The following UGP2 variants were observed in gnomAD, a reference collection of about 807,000 sequenced individuals.
The protein encoded by UGP2 is UDP-glucose pyrophosphorylase 2.
In UGP2, 40 loss-of-function variants were observed where a neutral mutation model predicts 49.0. That is an observed-to-expected ratio of 0.82 (90% CI 0.63 to 1.06). The LOEUF (loss-of-function observed/expected upper bound fraction) is 1.06, where lower values mean the gene tolerates loss of function less well. Among genes scored for constraint, UGP2 ranks in the 50% least tolerant of loss-of-function variants. The pLI is 0.00. For missense variants in UGP2, 460 were observed against 603.5 expected, an observed-to-expected ratio of 0.76 and a Z score of 2.49; for synonymous variants, 225 against 213.0, an observed-to-expected ratio of 1.06 and a Z score of -0.49.
chr2:63,860,123 A>G (rs1669732117), intron 3 of UGP2, among the ~76,000 whole-genome samples: 1 of 152,214 alleles, frequency 6.6e-6, no homozygotes, highest in African/African-American at 2.4e-5. Context: ...AAAAGTGAAC[A>G]TAGGTCTTTT....
intron 3 of UGP2, among the ~76,000 whole-genome samples, chr2:63,873,904 T>A (rs986175474): frequency 6.6e-6 from 1 of 152,214 alleles, no homozygotes; most frequent in Non-Finnish European, 1.5e-5. Context: ...GGCTTCTCTG[T>A]CTGGCTGCTC....
In UGP2 at chr2:63,885,850, C is replaced by T. The variant is rs751261955; in HGVS notation, c.837C>T (p.Val279=). The part of the protein sequence containing the change: ...NPPNGKRCEF[V]MEVTNKTRAD... ...CCAATGGAAAACGCTGTGAATTTGT[C>T]ATGGAAGTCACAAATAAAACACGTG... The change falls in exon 6 of 10, where the codon GTC becomes GTT. Residue 279 remains valine, a synonymous_variant. Transcript: ENST00000337130. The T allele has an allele frequency of 1.8e-5, 29 of 1,596,804 alleles. No homozygotes were observed. The Admixed American group carries it at 2.1e-4, about 12-fold the overall frequency.
chr2:63,870,801 C>G (rs375188833), intron 3 of UGP2, among the ~76,000 whole-genome samples: 1 of 152,098 alleles, frequency 6.6e-6, no homozygotes, highest in African/African-American at 2.4e-5. Flanking sequence ...ATGGAGTTTA[C>G]AGTCTTATAA....
Position 63,886,509 on chromosome 2 carries a change from A to G in UGP2, c.1042A>G (p.Ile348Val). 6.2e-7 allele frequency: 1 copy of G among 1,614,212 alleles called. No individual in the cohort carries two copies. The highest frequency in any genetic ancestry group is 8.5e-7 in the Non-Finnish European group (1 of 1,180,024). Reference protein sequence around the residue: ...AVKRLQEQNAIDMEIIVNAKT... With the variant: ...AVKRLQEQNAVDMEIIVNAKT... ...TAAAAGACTGCAGGAGCAAAATGCC[A>G]TTGACATGGAAATCATTGTGAATGC... The change falls in exon 7 of 10, where the codon ATT (isoleucine) becomes GTT (valine). Residue 348 changes from isoleucine (I) to valine (V), a missense_variant. This residue lies in a region of UGP2 where 317 missense variants were observed against 473.0 expected (regional missense o/e 0.67). Coordinates refer to ENST00000337130, the MANE Select transcript of UGP2 (RefSeq NM_006759.4).
intron 3 of UGP2, among the ~76,000 whole-genome samples, chr2:63,877,397 G>A (rs964030040): frequency 6.6e-6 from 1 of 152,212 alleles, no homozygotes; most frequent in African/African-American, 2.4e-5. Context: ...TTATGGCAAT[G>A]ATGCCATTTC....
chr2:63,868,089 T>A (rs1172530019), intron 3 of UGP2, among the ~76,000 whole-genome samples: 1 of 152,236 alleles, frequency 6.6e-6, no homozygotes, highest in Non-Finnish European at 1.5e-5. Flanking sequence ...ACCATGTTTA[T>A]AGGTTTTATG....
In UGP2 at chr2:63,890,129, T is replaced by C. The variant is rs764130676; in HGVS notation, c.1363T>C (p.Leu455=). 11 of 1,612,632 alleles carry C rather than the reference T, an allele frequency of 6.8e-6. No individual in the cohort carries two copies. The African/African-American group carries it at 1.3e-4, about 20-fold the overall frequency. Residue 455 remains leucine, a synonymous_variant, in exon 9 of 10, where the codon TTG becomes CTG. Coordinates refer to ENST00000337130, the MANE Select transcript of UGP2 (RefSeq NM_006759.4). ...TGAAAGTATACCAGATATGCTTGAA[T>C]TGGATCACCTCACAGTTTCAGGAGA... The part of the protein sequence containing the change: ...RFESIPDMLE[L]DHLTVSGDVT...
rs1344898301 is a variant in UGP2, at chr2:63,872,152, CTT to C, written c.256-10312_256-10311del. On this transcript the variant is annotated intron_variant, in intron 3 of 9. Transcript: ENST00000337130. ...CAGGCTACACATGACTGGAGAGAAA[CTT>C]TGGCTGAAGCCCATGTCTGGGAGAT... Among the ~76,000 whole-genome samples the C allele has an allele frequency of 3.3e-5, 5 of 152,306 alleles. No individual in the cohort carries two copies. The South Asian group carries it at 8.3e-4, about 25-fold the overall frequency.
intron 1 of UGP2, among the ~76,000 whole-genome samples, chr2:63,845,289 A>G (rs1456377559): frequency 6.6e-6 from 1 of 152,180 alleles, no homozygotes; most frequent in Admixed American, 6.5e-5. Flanking sequence ...CTTATGCCTC[A>G]GGGTTATTGA....
chr2:63,859,576 A>G (rs1472616011), intron 3 of UGP2, among the ~76,000 whole-genome samples: 1 of 152,074 alleles, frequency 6.6e-6, no homozygotes, highest in African/African-American at 2.4e-5. Context: ...GTACTACCCT[A>G]CCCCATTCCC....
At chr2:63,847,793 T>C (rs929690256) in intron 1 of UGP2, among the ~76,000 whole-genome samples, 32 of 152,248 alleles carry the variant, frequency 2.1e-4, no homozygotes, top group African/African-American at 7.2e-4. Context: ...TGTCATCAGT[T>C]AAGGTGGGGC....
At chr2:63,845,854 G>C (rs956989361) in intron 1 of UGP2, among the ~76,000 whole-genome samples, 1 of 152,070 alleles carries the variant, frequency 6.6e-6, no homozygotes, top group Non-Finnish European at 1.5e-5. Flanking sequence ...GGAAAGCTGG[G>C]TATCTCCATC....
chr2:63,849,452 G>C (rs1668898609), intron 1 of UGP2, among the ~76,000 whole-genome samples: 1 of 152,132 alleles, frequency 6.6e-6, no homozygotes, highest in South Asian at 2.1e-4. Flanking sequence ...CCACTGTTTT[G>C]GGTTCATTTG....
chr2:63,880,432 T>C (rs1671227146), intron 3 of UGP2, among the ~76,000 whole-genome samples: 2 of 152,190 alleles, frequency 1.3e-5, no homozygotes, highest in African/African-American at 4.8e-5. Flanking sequence ...ATTGCTGGGA[T>C]TAGAGGTGTG....
chr2:63,879,692 G>C (rs1671159182), intron 3 of UGP2, among the ~76,000 whole-genome samples: 1 of 152,208 alleles, frequency 6.6e-6, no homozygotes, highest in Admixed American at 6.5e-5. Context: ...CAGATGCATG[G>C]CAGTGTTCCT....
In UGP2 at chr2:63,882,661, A is replaced by G. The variant is rs1464523132; in HGVS notation, c.441+10A>G. On this transcript the variant is annotated intron_variant, in intron 4 of 9. Transcript: ENST00000337130. The stretch of plus-strand genomic sequence containing the variant: ...TGTTCAGCAAATTGAAGTGAGTAAC[A>G]TTTAGCCTTTCTCATGAGATACTAA... The G allele has an allele frequency of 3.3e-6, 5 of 1,521,562 alleles. No homozygotes were observed. The highest frequency in any genetic ancestry group is 4.4e-6 in the Non-Finnish European group (5 of 1,124,958). The allele number at this position is 1,521,562 out of a possible 1,614,324, so 94.3% of individuals were successfully genotyped here.
intron 1 of UGP2, among the ~76,000 whole-genome samples, chr2:63,849,042 A>G (rs1268119208): frequency 2.0e-5 from 3 of 152,240 alleles, no homozygotes; most frequent in Admixed American, 6.5e-5. Context: ...GTTAATATAC[A>G]TAAACAATAA....
At chr2:63,842,418 T>G in intron 1 of UGP2, 1 of 1,573,386 alleles carries the variant, frequency 6.4e-7, no homozygotes, top group Non-Finnish European at 8.6e-7. Context: ...CTGGGTTTAG[T>G]TTTGCCTCCC....
chr2:63,888,983 G>A (rs1447857629), intron 8 of UGP2: 1 of 152,204 alleles, frequency 6.6e-6, no homozygotes, highest in Admixed American at 6.5e-5. Context: ...CACAGCAGGT[G>A]TGGTTTGGTG....
Sources: allele counts gnomAD v4.1 joint callset (sites outside exome capture counted in the v4.1 genomes callset), GRCh38; gene constraint gnomAD v4.1.1; regional missense constraint gnomAD v4.1.1; transcripts MANE v1.5; gene names NCBI Gene and HGNC (gene_info 2026-07-23, HGNC 2026-07-21).